C3orf52: variants seen among roughly 807,000 people sequenced by gnomAD.
C3orf52 encodes TPA-induced transmembrane protein.
A neutral mutation model predicts 24.8 loss-of-function variants in C3orf52; 22 were observed. The ratio of observed to expected loss-of-function variants is 0.89; its 90% CI spans 0.63 to 1.27. The LOEUF is 1.27. Among genes scored for constraint, C3orf52 ranks in the 50% most tolerant of loss-of-function variants. C3orf52 has a pLI of 0.00. For missense variants in C3orf52, 265 were observed against 260.7 expected, an observed-to-expected ratio of 1.02 and a Z score of -0.11; for synonymous variants, 93 against 100.2, an observed-to-expected ratio of 0.93 and a Z score of 0.43.
In C3orf52 at chr3:112,116,832, C is replaced by T. The variant is rs955268507; in HGVS notation, c.*186C>T. On this transcript the variant is annotated 3_prime_UTR_variant, in exon 6 of 6. Transcript: ENST00000264848. ...GCTCTAAGCCCAGTAAAACAGCTCC[C>T]GAGCACTGCTTCAGCTGGGTCCAGT... The T allele has an allele frequency of 2.0e-5, 31 of 1,537,782 alleles. No homozygotes were observed. The highest frequency in any genetic ancestry group is 5.9e-5 in the South Asian group (5 of 84,068).
intron 4 of C3orf52, among the ~76,000 whole-genome samples, chr3:112,124,085 G>A (rs2074256769): frequency 6.6e-6 from 1 of 152,186 alleles, no homozygotes; most frequent in Non-Finnish European, 1.5e-5. Flanking sequence ...ATTGTTGGAG[G>A]TGGTGCCTAG....
At chr3:112,122,567 A>G (rs1198458697), downstream of C3orf52, 1 of 152,234 alleles carries the variant, frequency 6.6e-6, no homozygotes, top group Non-Finnish European at 1.5e-5. Flanking sequence ...TTCATATTTT[A>G]TACATGACAT....
downstream of C3orf52, chr3:112,133,258 G>T: frequency 1.2e-6 from 1 of 861,130 alleles, no homozygotes; most frequent in Non-Finnish European, 1.9e-6. Context: ...GAAAGGAGAA[G>T]GGTGTCTCTG....
intron 2 of C3orf52, among the ~76,000 whole-genome samples, chr3:112,100,020 T>A (rs571799209): frequency 2.0e-4 from 30 of 152,364 alleles, no homozygotes; most frequent in East Asian, 9.6e-4. Context: ...TGGCTGCCTT[T>A]AAAGCCAGCT....
intron 4 of C3orf52, among the ~76,000 whole-genome samples, chr3:112,124,104 G>GT: frequency 6.6e-6 from 1 of 152,186 alleles, no homozygotes; most frequent in Non-Finnish European, 1.5e-5. Context: ...AGTGAGAGGT[G>GT]TTTTGGTTAT....
intron 4 of C3orf52, chr3:112,127,079 T>C (rs776291594): frequency 8.0e-7 from 1 of 1,246,764 alleles, no homozygotes; most frequent in Admixed American, 1.8e-5. Context: ...TCAGAAACTC[T>C]CAAAGGAAAT....
At chr3:112,101,409 C>T (rs974860695) in intron 2 of C3orf52, among the ~76,000 whole-genome samples, 15 of 152,104 alleles carry the variant, frequency 9.9e-5, no homozygotes, top group Non-Finnish European at 1.9e-4. Flanking sequence ...ATTCAGTACC[C>T]GGGGTTTTCA....
chr3:112,112,197 G>A (rs1296000050), intron 4 of C3orf52: 1 of 152,238 alleles, frequency 6.6e-6, no homozygotes, highest in Admixed American at 6.5e-5. Flanking sequence ...CATTTAAAGA[G>A]TAGCATTAGA....
At position 112,117,178 on chromosome 3, in the gene C3orf52, G is replaced by A; in HGVS notation, c.*532G>A. The A allele has an allele frequency of 1.8e-6, 1 of 554,976 alleles. No individual in the cohort carries two copies. Among genetic ancestry groups the A allele is most frequent in the Non-Finnish European group, 3.2e-6 (1 of 313,666 alleles). 34.4% of individuals were successfully genotyped at this position (554,976 alleles called of 1,614,324 possible). ...ACGAAGACTAAGCCAATTATTCACT[G>A]AAGTCATCCTCCTCCCCCCCACCAT... On this transcript the variant is annotated 3_prime_UTR_variant, in exon 6 of 6. Coordinates refer to ENST00000264848, the MANE Select transcript of C3orf52 (RefSeq NM_024616.3).
chr3:112,091,963 T>C (rs59459588), intron 1 of C3orf52, among the ~76,000 whole-genome samples: 9,188 of 150,846 alleles, frequency 0.061, 391 homozygotes, highest in African/African-American at 0.12. Context: ...GAGATCGTGC[T>C]GCTGCACTCC....
rs974915065 is a variant in C3orf52 at position 112,118,040 on chromosome 3, A to G, written c.*1394A>G. The G allele has an allele frequency of 5.3e-5, 8 of 152,236 alleles. 1 individual carries two copies. Among genetic ancestry groups the G allele is most frequent in the Admixed American group, 2.6e-4 (4 of 15,284 alleles). The allele number at this position is 152,236 out of a possible 1,614,324, so 9.4% of individuals were successfully genotyped here. ...TACATGTACTATAGATCATTGTCTC[A>G]TTTTAGTGATTGTTCCTTAAACTAG... On this transcript the variant is annotated 3_prime_UTR_variant, in exon 6 of 6. Transcript: ENST00000264848.
chr3:112,101,678 A>G (rs1282402), intron 2 of C3orf52, among the ~76,000 whole-genome samples: 152,173 of 152,320 alleles, frequency 1, 76,014 homozygotes, highest in East Asian at 1. Flanking sequence ...TCCAGATGTC[A>G]TCACAGAATA....
At chr3:112,106,966 G>A (rs947610224) in intron 3 of C3orf52, among the ~76,000 whole-genome samples, 2 of 152,184 alleles carry the variant, frequency 1.3e-5, no homozygotes, top group African/African-American at 4.8e-5. Flanking sequence ...GGAGACACAA[G>A]ACTAAGGGTT....
chr3:112,086,474 G>A lies in C3orf52; in HGVS notation c.67G>A (p.Glu23Lys). ...GCTCTCGGTGCTCGAGCGGCAGCCA[G>A]AAGAGAACACGCCTCTCAATGGTGC... ...LELSVLERQP[E>K]ENTPLNGADK... Residue 23 changes from glutamate to lysine, a missense_variant, in exon 1 of 6, where the codon GAA becomes AAA. Glu to Lys is a moderately conservative substitution (Grantham distance 56, BLOSUM62 1). Transcript: ENST00000264848. 6.4e-7 allele frequency: 1 copy of A among 1,551,560 alleles called. No individual in the cohort carries two copies. The highest frequency in any genetic ancestry group is 1.7e-4 in the Middle Eastern group (1 of 5,992).
intron 3 of C3orf52, among the ~76,000 whole-genome samples, chr3:112,103,169 C>T (rs340175): frequency 0.055 from 8,323 of 152,074 alleles, 621 homozygotes; most frequent in African/African-American, 0.17. Context: ...ATGATGAGAA[C>T]ACATGGACAC....
chr3:112,093,590 T>C (rs534322940), intron 2 of C3orf52, 101 bp downstream of exon 2: 3 of 1,148,730 alleles, frequency 2.6e-6, no homozygotes, highest in Non-Finnish European at 2.5e-6. Context: ...CATTTCATTA[T>C]TTATAATGTG....
At chr3:112,108,016 G>A (rs2074043309) in intron 3 of C3orf52, among the ~76,000 whole-genome samples, 1 of 152,204 alleles carries the variant, frequency 6.6e-6, no homozygotes, top group African/African-American at 2.4e-5. Context: ...AATGGCTGTA[G>A]CTGGGGATGG....
At chr3:112,120,529 A>G (rs1388958966), downstream of C3orf52, among the ~76,000 whole-genome samples, 1 of 152,226 alleles carries the variant, frequency 6.6e-6, no homozygotes, top group Non-Finnish European at 1.5e-5. Flanking sequence ...CGGAAACCAC[A>G]AAGTCTGCAG....
In C3orf52 at chr3:112,101,926, C is replaced by T. The variant is rs547711793; in HGVS notation, c.269-912C>T. On this transcript the variant is annotated intron_variant, in intron 2 of 5. Coordinates refer to ENST00000264848, the MANE Select transcript of C3orf52 (RefSeq NM_024616.3). Reference sequence around the variant, plus strand: ...CTAGCTTCTGGCGCCTGGCTCCTCACTTTGTGTGATTTTCCTTTAGTTCCA... The same window carrying T: ...CTAGCTTCTGGCGCCTGGCTCCTCATTTTGTGTGATTTTCCTTTAGTTCCA... 2.5e-4 allele frequency among the ~76,000 whole-genome samples: 38 copies of T among 152,262 alleles called. No homozygotes were observed. In the South Asian group the frequency reaches 7.9e-3, roughly 32 times the overall value.
Sources: allele counts gnomAD v4.1 joint callset (sites outside exome capture counted in the v4.1 genomes callset), GRCh38; gene constraint gnomAD v4.1.1; transcripts MANE v1.5; gene names NCBI Gene and HGNC (gene_info 2026-07-23, HGNC 2026-07-21).